The following KIF16B variants were observed in gnomAD, a reference collection of about 807,000 sequenced individuals.
KIF16B encodes kinesin family member 16B, also known as kinesin-like protein KIF16B.
KIF16B carries 98 observed loss-of-function variants against 156.3 expected under a neutral mutation model. The observed-to-expected ratio is 0.63, with a 90% CI of 0.53 to 0.74. The LOEUF (loss-of-function observed/expected upper bound fraction) is 0.74. Ranked by LOEUF, KIF16B falls within the 30% of genes least tolerant of loss-of-function variation. The probability of loss-of-function intolerance (pLI) is 0.00; values close to 1 mark genes in which losing one functional copy is unlikely to be tolerated. For missense variants in KIF16B, 1,421 were observed against 1,606.5 expected, an observed-to-expected ratio of 0.88 and a Z score of 1.97; for synonymous variants, 564 against 583.7, an observed-to-expected ratio of 0.97 and a Z score of 0.49.
intron 12 of KIF16B, among the ~76,000 whole-genome samples, chr20:16,466,250 C>T (rs371636936): frequency 6.6e-6 from 1 of 152,188 alleles, no homozygotes; most frequent in Admixed American, 6.5e-5. Context: ...GTCACCACTC[C>T]ATCCTAACAA....
intron 17 of KIF16B, among the ~76,000 whole-genome samples, chr20:16,395,375 A>G (rs1470342361): frequency 6.5e-5 from 8 of 123,568 alleles, no homozygotes; most frequent in African/African-American, 9.2e-5. Context: ...AGGGGAGGAG[A>G]GGGGAGGCCA....
At chr20:16,508,253 G>A (rs1187997329) in intron 6 of KIF16B, among the ~76,000 whole-genome samples, 153 bp from the exon 7 acceptor site, 1 of 152,206 alleles carries the variant, frequency 6.6e-6, no homozygotes, top group Non-Finnish European at 1.5e-5. Flanking sequence ...ATGTAATGCA[G>A]ACCTGGGAGC....
At chr20:16,534,675 A>C (rs180918579) in intron 1 of KIF16B, among the ~76,000 whole-genome samples, 248 of 152,156 alleles carry the variant, frequency 1.6e-3, no homozygotes, top group Non-Finnish European at 3.0e-3. Context: ...ATCCATCTGG[A>C]GTTGACTTTT....
chr20:16,324,271 A>G (rs567436819), intron 24 of KIF16B, among the ~76,000 whole-genome samples: 1 of 151,960 alleles, frequency 6.6e-6, no homozygotes, highest in South Asian at 2.1e-4. Flanking sequence ...AATTCTGTGA[A>G]TTTTCCCTTT....
At chr20:16,352,616 A>ACGTGAAGCTGCTC (rs2064359589) in intron 23 of KIF16B, among the ~76,000 whole-genome samples, 2 of 152,180 alleles carry the variant, frequency 1.3e-5, no homozygotes, top group Admixed American at 1.3e-4. Context: ...CAATGGGCAG[A>ACGTGAAGCTGCTC]CCAAATTGGA....
At chr20:16,569,867 TA>T (rs373253879) in intron 1 of KIF16B, among the ~76,000 whole-genome samples, 3 of 150,722 alleles carry the variant, frequency 2.0e-5, no homozygotes, top group South Asian at 4.2e-4. Context: ...AAACAAACAG[TA>T]AAAAAAAAGC....
chr20:16,359,893 G>A (rs2064519389), intron 22 of KIF16B, among the ~76,000 whole-genome samples: 2 of 152,132 alleles, frequency 1.3e-5, no homozygotes, highest in African/African-American at 4.8e-5. Context: ...TTGCAGAGAA[G>A]AAAGATATTT....
At chr20:16,283,398 A>T (rs2063176361) in intron 25 of KIF16B, among the ~76,000 whole-genome samples, 1 of 152,262 alleles carries the variant, frequency 6.6e-6, no homozygotes, top group East Asian at 1.9e-4. Flanking sequence ...ACCAGAGGCA[A>T]GACAACTTCC....
intron 12 of KIF16B, among the ~76,000 whole-genome samples, chr20:16,432,272 G>A (rs2066523022): frequency 6.6e-6 from 1 of 152,090 alleles, no homozygotes. Context: ...ATGTACAAGA[G>A]CATGACATTG....
At chr20:16,481,574 C>A (rs1339705954) in intron 12 of KIF16B, among the ~76,000 whole-genome samples, 1 of 152,188 alleles carries the variant, frequency 6.6e-6, no homozygotes, top group Non-Finnish European at 1.5e-5. Context: ...AGAAGTGTCA[C>A]GTCAAATTCT....
intron 22 of KIF16B, among the ~76,000 whole-genome samples, chr20:16,370,382 G>GC (rs2064787230): frequency 6.6e-6 from 1 of 152,088 alleles, no homozygotes; most frequent in African/African-American, 2.4e-5. Flanking sequence ...ACAGCTACAT[G>GC]CCATTCAAAT....
At chr20:16,556,210 A>T (rs2070841787) in intron 1 of KIF16B, among the ~76,000 whole-genome samples, 1 of 152,172 alleles carries the variant, frequency 6.6e-6, no homozygotes, top group Non-Finnish European at 1.5e-5. Context: ...TCTTTACATG[A>T]CACTCTAGCT....
chr20:16,343,120 C>T (rs902358229), intron 23 of KIF16B, among the ~76,000 whole-genome samples: 1 of 152,192 alleles, frequency 6.6e-6, no homozygotes, highest in Non-Finnish European at 1.5e-5. Flanking sequence ...GATATCATTA[C>T]TGCATATATT....
intron 25 of KIF16B, among the ~76,000 whole-genome samples, chr20:16,290,992 C>G (rs1397118638): frequency 1.3e-5 from 2 of 151,930 alleles, no homozygotes; most frequent in Non-Finnish European, 2.9e-5. Context: ...AGAAATTGGG[C>G]TAGGAGCTAA....
chr20:16,535,792 G>A (rs1176993116), intron 1 of KIF16B, among the ~76,000 whole-genome samples: 7 of 152,202 alleles, frequency 4.6e-5, no homozygotes, highest in African/African-American at 1.4e-4. Flanking sequence ...ACCACAAAGA[G>A]ATATCATTTT....
chr20:16,556,646 T>C (rs2070860538), intron 1 of KIF16B, among the ~76,000 whole-genome samples: 1 of 152,180 alleles, frequency 6.6e-6, no homozygotes, highest in Admixed American at 6.5e-5. Context: ...TAATAGGCCC[T>C]ATATGAGCCA....
Position 16,512,914 on chromosome 20 carries a change from C to A in KIF16B, c.358G>T (p.Gly120Cys). The change falls in exon 5 of 26, where the codon GGC becomes TGC. Residue 120 changes from glycine to cysteine, a missense_variant. Transcript: ENST00000354981. ...YTMMGNSGDSGLIPRICEGLF... is the reference protein window; with the variant it reads ...YTMMGNSGDSCLIPRICEGLF... The stretch of plus-strand genomic sequence containing the variant: ...CCTTCACAGATCCGAGGTATTAAGC[C>A]AGAATCTCCCTGCATGGGAAAGACC... The A allele has an allele frequency of 6.2e-7, 1 of 1,608,180 alleles. No homozygotes were observed. The highest frequency in any genetic ancestry group is 8.5e-7 in the Non-Finnish European group (1 of 1,174,676).
intron 1 of KIF16B, among the ~76,000 whole-genome samples, chr20:16,530,553 G>A (rs899113315): frequency 6.6e-6 from 1 of 152,138 alleles, no homozygotes; most frequent in Non-Finnish European, 1.5e-5. Context: ...AGCCCGCACC[G>A]GGACATGATG....
At chr20:16,496,283 A>C (rs979498620) in intron 11 of KIF16B, among the ~76,000 whole-genome samples, 1 of 152,260 alleles carries the variant, frequency 6.6e-6, no homozygotes, top group Non-Finnish European at 1.5e-5. Context: ...GCATCCAACA[A>C]TAAATGATTC....
Sources: gnomAD v4.1 joint callset for allele counts (sites outside exome capture counted in the v4.1 genomes callset) on GRCh38, gnomAD v4.1.1 for gene constraint, MANE v1.5 for transcripts, NCBI Gene and HGNC (gene_info 2026-07-23, HGNC 2026-07-21) for gene names.